Variants in ZNF736 observed in about 807,000 individuals in gnomAD.
ZNF736 encodes zinc finger protein 736.
ZNF736 carries 6 observed loss-of-function variants against 11.7 expected under a neutral mutation model. The ratio of observed to expected loss-of-function variants is 0.51; its 90% CI spans 0.28 to 1.01. The LOEUF is 1.01. Among genes scored for constraint, ZNF736 ranks in the 50% least tolerant of loss-of-function variants. ZNF736 has a pLI of 0.09. For missense variants in ZNF736, 444 were observed against 496.0 expected (o/e 0.90, Z 1.00); for synonymous variants, 139 against 164.7 (o/e 0.84, Z 1.19).
At chr7:64,335,636 A>G (rs60797354) in intron 1 of ZNF736, among the ~76,000 whole-genome samples, 10,189 of 152,310 alleles carry the variant, frequency 0.067, 595 homozygotes, top group East Asian at 0.35. Flanking sequence ...GCCATGTTTA[A>G]TCTGACAGCT....
At chr7:64,325,504 A>G (rs1302646137) in intron 1 of ZNF736, among the ~76,000 whole-genome samples, 1 of 152,176 alleles carries the variant, frequency 6.6e-6, no homozygotes, top group Non-Finnish European at 1.5e-5. Flanking sequence ...AATTGTACCC[A>G]ATGCCACTCG....
At chr7:64,332,537 ATT>A (rs1464395095) in intron 1 of ZNF736, among the ~76,000 whole-genome samples, 3 of 152,196 alleles carry the variant, frequency 2.0e-5, no homozygotes, top group Non-Finnish European at 4.4e-5. Flanking sequence ...CTGTGCACGT[ATT>A]GTCTTGATAA....
At chr7:64,324,026 T>G (rs1245879105) in intron 1 of ZNF736, among the ~76,000 whole-genome samples, 1 of 152,240 alleles carries the variant, frequency 6.6e-6, no homozygotes, top group Non-Finnish European at 1.5e-5. Context: ...GCTTTATTAC[T>G]TACATATTAT....
At chr7:64,343,829 A>G (rs1789371764) in intron 3 of ZNF736, among the ~76,000 whole-genome samples, 1 of 152,234 alleles carries the variant, frequency 6.6e-6, no homozygotes, top group Non-Finnish European at 1.5e-5. Flanking sequence ...AACTCTGTAC[A>G]CATTAAAACA....
intron 1 of ZNF736, among the ~76,000 whole-genome samples, chr7:64,318,350 AAAG>A (rs1388437500): frequency 3.3e-5 from 5 of 152,016 alleles, no homozygotes; most frequent in South Asian, 2.1e-4. Flanking sequence ...TAGTTTCCAT[AAAG>A]ATTTGAGAAA....
At chr7:64,322,986 A>G (rs1789022792) in intron 1 of ZNF736, among the ~76,000 whole-genome samples, 1 of 152,208 alleles carries the variant, frequency 6.6e-6, no homozygotes, top group South Asian at 2.1e-4. Context: ...AGGGCCACCT[A>G]AACTTACAGT....
intron 3 of ZNF736, among the ~76,000 whole-genome samples, chr7:64,346,994 A>G (rs1267577949): frequency 6.7e-6 from 1 of 149,176 alleles, no homozygotes; most frequent in Non-Finnish European, 1.5e-5. Context: ...TGATTTCTGG[A>G]TATTCTTTTT....
At chr7:64,347,469 G>A (rs564156297) in intron 3 of ZNF736, among the ~76,000 whole-genome samples, 21 of 151,844 alleles carry the variant, frequency 1.4e-4, no homozygotes, top group South Asian at 6.2e-4. Flanking sequence ...CAGGTGGTCC[G>A]CCTGCCTCAG....
At chr7:64,339,328 G>C (rs1023237171) in intron 3 of ZNF736, among the ~76,000 whole-genome samples, 1 of 152,016 alleles carries the variant, frequency 6.6e-6, no homozygotes, top group Non-Finnish European at 1.5e-5. Context: ...TTTTATTGCT[G>C]TACTTTTGCT....
chr7:64,337,281 T>C (rs1789267394), intron 3 of ZNF736: 1 of 359,684 alleles, frequency 2.8e-6, no homozygotes, highest in Non-Finnish European at 5.0e-6. Context: ...ACAGAAAATG[T>C]GTGATTTGAC....
At chr7:64,324,186 A>C (rs1366875434) in intron 1 of ZNF736, among the ~76,000 whole-genome samples, 1 of 152,138 alleles carries the variant, frequency 6.6e-6, no homozygotes, top group Non-Finnish European at 1.5e-5. Flanking sequence ...TGCTCATGCT[A>C]TAATAACTTC....
In ZNF736 at chr7:64,355,262, C is replaced by T. The variant is rs1404291138; in HGVS notation, c.*6115C>T. On this transcript the variant is annotated 3_prime_UTR_variant, in exon 4 of 4. Transcript: ENST00000423484. ...GAGTATGCACCACAGGTATCGAAAC[C>T]TAAAATGCCCTGAACTCTTTTCATA... 1.2e-5 allele frequency: 2 copies of T among 170,520 alleles called. No individual in the cohort carries two copies. 10.6% of individuals were successfully genotyped at this position (170,520 alleles called of 1,614,324 possible).
chr7:64,340,935 C>T (rs1006312828), intron 3 of ZNF736, among the ~76,000 whole-genome samples: 27 of 152,176 alleles, frequency 1.8e-4, no homozygotes, highest in African/African-American at 5.8e-4. Flanking sequence ...TGACTTTTCT[C>T]CTGCATTCTT....
At position 64,355,994 on chromosome 7, in the gene ZNF736, A is replaced by G; in HGVS notation, c.*6847A>G. 5.5e-6 allele frequency: 1 copy of G among 182,596 alleles called. No homozygotes were observed. Among genetic ancestry groups the G allele is most frequent in the Non-Finnish European group, 1.2e-5 (1 of 81,814 alleles). The allele number at this position is 182,596 out of a possible 1,614,324, so 11.3% of individuals were successfully genotyped here. On this transcript the variant is annotated 3_prime_UTR_variant, in exon 4 of 4. Coordinates refer to ENST00000423484, the MANE Select transcript of ZNF736 (RefSeq NM_001170905.3). ...GAGTGGTTATGCTGCATCAGGTCCT[A>G]AGAAAACCCACCTTCTGCCAGTAGT...
rs973379149 is a variant in ZNF736, at chr7:64,355,019, A to G, written c.*5872A>G. On this transcript the variant is annotated 3_prime_UTR_variant, in exon 4 of 4. Coordinates refer to ENST00000423484, the MANE Select transcript of ZNF736 (RefSeq NM_001170905.3). ...TGAAAAATGGAAAATATCTATAGTA[A>G]AAAAAATGACATTAATTCTGCATAT... 2.0e-5 allele frequency: 3 copies of G among 152,176 alleles called. No homozygotes were observed. The highest frequency in any genetic ancestry group is 7.2e-5 in the African/African-American group (3 of 41,442). 9.4% of individuals were successfully genotyped at this position (152,176 alleles called of 1,614,324 possible).
chr7:64,353,281 C>T lies in ZNF736; in HGVS notation c.*4134C>T, dbSNP rs565807039. The T allele has an allele frequency of 6.6e-6, 1 of 152,346 alleles. No homozygotes were observed. The highest frequency in any genetic ancestry group is 6.5e-5 in the Admixed American group (1 of 15,288). 9.4% of individuals were successfully genotyped at this position (152,346 alleles called of 1,614,324 possible). ...ATGTTGTTCCCAGGTGGCCCATTGTCCTGCCTTGCTTTACTCCATTCTCCA... is the reference window on the plus strand; with the variant it reads ...ATGTTGTTCCCAGGTGGCCCATTGTTCTGCCTTGCTTTACTCCATTCTCCA... On this transcript the variant is annotated 3_prime_UTR_variant, in exon 4 of 4. Transcript: ENST00000423484.
chr7:64,320,942 A>C (rs1340288392), intron 1 of ZNF736, among the ~76,000 whole-genome samples: 1 of 152,182 alleles, frequency 6.6e-6, no homozygotes, highest in Non-Finnish European at 1.5e-5. Context: ...TGCAAGATGA[A>C]GCTCCATAGG....
chr7:64,327,874 G>A (rs1789103772), intron 1 of ZNF736, among the ~76,000 whole-genome samples: 1 of 152,034 alleles, frequency 6.6e-6, no homozygotes. Flanking sequence ...ACATTTTATT[G>A]TTTGTATTTA....
rs760388136 is a variant in ZNF736, at chr7:64,348,567, G to A, written c.704G>A (p.Gly235Asp). ...GEKPYKCEGC[G>D]KTFTCSSTLV... ...AAACCTTACAAATGTGAAGGATGTG[G>A]CAAAACTTTTACCTGCTCCTCAACC... The change falls in exon 4 of 4, where the codon GGC becomes GAC. Residue 235 changes from glycine (G) to aspartate (D), a missense_variant. Gly to Asp is a moderately conservative substitution (Grantham distance 94, BLOSUM62 -1). Coordinates refer to ENST00000423484, the MANE Select transcript of ZNF736 (RefSeq NM_001170905.3). The A allele has an allele frequency of 1.3e-6, 2 of 1,588,622 alleles. No individual in the cohort carries two copies. The highest frequency in any genetic ancestry group is 2.3e-5 in the South Asian group (2 of 88,444).
Sources: allele counts gnomAD v4.1 joint callset (sites outside exome capture counted in the v4.1 genomes callset), GRCh38; gene constraint gnomAD v4.1.1; transcripts MANE v1.5; gene names NCBI Gene and HGNC (gene_info 2026-07-23, HGNC 2026-07-21).